PIK3C2G: variants seen among roughly 807,000 people sequenced by gnomAD.
PIK3C2G encodes the protein phosphatidylinositol 3-kinase C2 domain-containing subunit gamma.
Under a neutral mutation model 181.1 loss-of-function variants are expected in PIK3C2G, and 168 were observed. The ratio of observed to expected loss-of-function variants is 0.93; its 90% CI spans 0.82 to 1.05. The LOEUF (loss-of-function observed/expected upper bound fraction) is 1.05, where lower values mean the gene tolerates loss of function less well. Ranked by LOEUF, PIK3C2G falls within the 50% of genes least tolerant of loss-of-function variation. The probability of loss-of-function intolerance (pLI) is 0.00; values close to 1 mark genes in which losing one functional copy is unlikely to be tolerated. For missense variants in PIK3C2G, 1,869 were observed against 1,732.8 expected (o/e 1.08, Z -1.40); for synonymous variants, 573 against 592.2 (o/e 0.97, Z 0.47).
At chr12:18,661,504 C>CA in the PIK3C2G span, among the ~76,000 whole-genome samples, 16 of 152,012 alleles carry the variant, frequency 1.1e-4, no homozygotes, top group Non-Finnish European at 2.4e-4. Context: ...CTGTATCTAG[C>CA]AAAACTGTCC....
At chr12:18,291,115 C>T in intron 4 of PIK3C2G, 103 bp downstream of exon 4, 1 of 632,364 alleles carries the variant, frequency 1.6e-6, no homozygotes, top group Non-Finnish European at 2.7e-6. Flanking sequence ...ATATTAGCTA[C>T]TGTTTTTCTC....
chr12:18,383,990 T>A (rs112002140), intron 14 of PIK3C2G, among the ~76,000 whole-genome samples: 8,984 of 136,448 alleles, frequency 0.066, 322 homozygotes, highest in Middle Eastern at 0.16. Flanking sequence ...TATTATTATT[T>A]TTTTTTTTTT....
intron 29 of PIK3C2G, among the ~76,000 whole-genome samples, chr12:18,574,018 A>G (rs1438695165): frequency 3.3e-5 from 5 of 152,186 alleles, no homozygotes; most frequent in African/African-American, 4.8e-5. Context: ...CGTACTCTAT[A>G]TATGCACAGA....
At chr12:18,525,706 G>C (rs1469712788) in intron 24 of PIK3C2G, among the ~76,000 whole-genome samples, 1 of 152,146 alleles carries the variant, frequency 6.6e-6, no homozygotes, top group Non-Finnish European at 1.5e-5. Context: ...ATTGGCAAAT[G>C]CCACAAATCA....
chr12:18,642,292 T>C (rs2136809598), intron 32 of PIK3C2G, among the ~76,000 whole-genome samples: 1 of 152,354 alleles, frequency 6.6e-6, no homozygotes, highest in South Asian at 2.1e-4. Flanking sequence ...TTTAATAAAA[T>C]GTGATGTTTA....
Position 18,462,931 on chromosome 12 carries a change from T to A in PIK3C2G, c.2505-25518T>A, listed in dbSNP as rs181750566. 8.0e-3 allele frequency among the ~76,000 whole-genome samples: 1,195 copies of A among 148,908 alleles called. 8 individuals carry two copies. The highest frequency in any genetic ancestry group is 0.021 in the African/African-American group (838 of 40,320). On this transcript the variant is annotated intron_variant, in intron 18 of 32. Transcript: ENST00000538779. The stretch of plus-strand genomic sequence containing the variant: ...TTCAATGGTTTGCAAACAAACATTT[T>A]AAAAAAAATAAGTGCTATAATTTAT...
chr12:18,263,409 A>C (rs968187501), intron 1 of PIK3C2G, among the ~76,000 whole-genome samples: 3 of 152,092 alleles, frequency 2.0e-5, no homozygotes, highest in Non-Finnish European at 2.9e-5. Flanking sequence ...CCAATACTGG[A>C]TACAGTATCT....
intron 18 of PIK3C2G, among the ~76,000 whole-genome samples, chr12:18,439,107 T>A (rs866621619): frequency 9.2e-5 from 14 of 152,062 alleles, no homozygotes; most frequent in African/African-American, 3.4e-4. Context: ...AAATTTAAAA[T>A]TTAAGTTTAA....
intron 10 of PIK3C2G, 96 bp from the exon 11 acceptor site, chr12:18,346,545 T>C: frequency 2.9e-6 from 2 of 684,722 alleles, no homozygotes; most frequent in Non-Finnish European, 4.9e-6. Context: ...TTAAAATTAT[T>C]GAAATTGTAT....
At chr12:18,360,175 T>A (rs1270092817) in intron 11 of PIK3C2G, among the ~76,000 whole-genome samples, 1 of 152,106 alleles carries the variant, frequency 6.6e-6, no homozygotes, top group African/African-American at 2.4e-5. Flanking sequence ...AGTTTCATTT[T>A]GTGTTTACCA....
chr12:18,713,297 C>T, the PIK3C2G span, among the ~76,000 whole-genome samples: 1 of 152,144 alleles, frequency 6.6e-6, no homozygotes, highest in Non-Finnish European at 1.5e-5. Flanking sequence ...AGTTGTAGCT[C>T]TGAAACATCC....
At chr12:18,281,644 G>A (rs1017088052) in intron 1 of PIK3C2G, among the ~76,000 whole-genome samples, 31 of 151,992 alleles carry the variant, frequency 2.0e-4, no homozygotes, top group African/African-American at 7.0e-4. Context: ...TAGCTAATAT[G>A]AAAGAGACTT....
intron 18 of PIK3C2G, among the ~76,000 whole-genome samples, chr12:18,432,530 T>G (rs1179936617): frequency 6.6e-6 from 1 of 152,182 alleles, no homozygotes; most frequent in Non-Finnish European, 1.5e-5. Context: ...TACTAGAGAT[T>G]TGGGTTAAGT....
intron 13 of PIK3C2G, among the ~76,000 whole-genome samples, chr12:18,374,826 G>A (rs74778557): frequency 2.6e-4 from 40 of 152,262 alleles, no homozygotes; most frequent in Non-Finnish European, 5.1e-4. Context: ...TTGTTTGGAA[G>A]TGTGTGGCAC....
intron 6 of PIK3C2G, 48 bp from the exon 7 acceptor site, chr12:18,320,914 C>T (rs1280288760): frequency 3.0e-6 from 3 of 1,010,900 alleles, no homozygotes; most frequent in East Asian, 5.0e-5. Context: ...TTATCTGGTA[C>T]TCATTCCTAT....
chr12:18,358,555 G>A (rs1940956692), intron 11 of PIK3C2G: 1 of 372,892 alleles, frequency 2.7e-6, no homozygotes, highest in Admixed American at 3.1e-5. Context: ...TGCCACTGAA[G>A]CAGTGAGGCA....
chr12:18,314,691 A>G (rs1479269050), intron 6 of PIK3C2G: 1 of 152,256 alleles, frequency 6.6e-6, no homozygotes, highest in Non-Finnish European at 1.5e-5. Context: ...TACACTGAGT[A>G]TAACAAATCT....
intron 29 of PIK3C2G, among the ~76,000 whole-genome samples, chr12:18,587,104 T>G (rs1320672374): frequency 1.3e-5 from 2 of 152,172 alleles, no homozygotes; most frequent in Non-Finnish European, 2.9e-5. Context: ...AACATCATAC[T>G]GAATGGACAA....
chr12:18,640,289 T>C, intron 31 of PIK3C2G, 140 bp from the exon 32 acceptor site: 1 of 662,788 alleles, frequency 1.5e-6, no homozygotes, highest in Non-Finnish European at 2.5e-6. Flanking sequence ...TGAATTTCTT[T>C]TGATTTTCTC....
Sources: gnomAD v4.1 joint callset for allele counts (sites outside exome capture counted in the v4.1 genomes callset) on GRCh38, gnomAD v4.1.1 for gene constraint, MANE v1.5 for transcripts, NCBI Gene and HGNC (gene_info 2026-07-23, HGNC 2026-07-21) for gene names.